Variants in POLR1F observed in about 807,000 individuals in gnomAD.
POLR1F encodes the protein DNA-directed RNA polymerase I subunit RPA43.
Under a neutral mutation model 21.8 loss-of-function variants are expected in POLR1F, and 23 were observed. That is an observed-to-expected ratio of 1.05 (90% CI 0.76 to 1.49). The LOEUF is 1.49. Ranked by LOEUF, POLR1F falls within the 40% of genes most tolerant of loss-of-function variation. The pLI is 0.00. For missense variants in POLR1F, 435 were observed against 412.1 expected, an observed-to-expected ratio of 1.06 and a Z score of -0.48; for synonymous variants, 162 against 152.8, an observed-to-expected ratio of 1.06 and a Z score of -0.45.
chr7:19,701,251 C>A (rs1783442647), intron 2 of POLR1F, among the ~76,000 whole-genome samples: 1 of 152,076 alleles, frequency 6.6e-6, no homozygotes. Flanking sequence ...CATAGCGAAA[C>A]CTTAAATGCA....
intron 2 of POLR1F, among the ~76,000 whole-genome samples, chr7:19,700,569 G>GC (rs1783434982): frequency 6.6e-6 from 1 of 151,938 alleles, no homozygotes; most frequent in South Asian, 2.1e-4. Context: ...AAACTAACCT[G>GC]CCCCCGCCAC....
intron 1 of POLR1F, among the ~76,000 whole-genome samples, chr7:19,707,735 C>A (rs73680664): frequency 0.031 from 4,761 of 152,196 alleles, 232 homozygotes; most frequent in African/African-American, 0.11. Flanking sequence ...TTGTATCTCT[C>A]CTACAGCTTA....
rs1042352911 is a variant in POLR1F at position 19,697,514 on chromosome 7, T to C, written c.*802A>G. 1.3e-5 allele frequency: 2 copies of C among 152,194 alleles called. No individual in the cohort carries two copies. Among genetic ancestry groups the C allele is most frequent in the African/African-American group, 4.8e-5 (2 of 41,458 alleles). The allele number at this position is 152,194 out of a possible 1,614,324, so 9.4% of individuals were successfully genotyped here. On this transcript the variant is annotated 3_prime_UTR_variant, in exon 4 of 4. Transcript: ENST00000222567. ...CTGTTTTCTCTTCAGCACAATATCT[T>C]ATAGCCCATTCCAATCATTAAAAAG...
chr7:19,703,413 A>C (rs1455768702), intron 2 of POLR1F, among the ~76,000 whole-genome samples: 1 of 152,230 alleles, frequency 6.6e-6, no homozygotes, highest in Non-Finnish European at 1.5e-5. Context: ...TGATCTGTGC[A>C]TTTTATTATA....
At position 19,697,910 on chromosome 7, in the gene POLR1F, C is replaced by T. The variant is rs1161472398; in HGVS notation, c.*406G>A. 6.5e-6 allele frequency: 1 copy of T among 154,350 alleles called. No individual in the cohort carries two copies. The highest frequency in any genetic ancestry group is 1.9e-4 in the East Asian group (1 of 5,268). The allele number at this position is 154,350 out of a possible 1,614,324, so 9.6% of individuals were successfully genotyped here. On this transcript the variant is annotated 3_prime_UTR_variant, in exon 4 of 4. Transcript: ENST00000222567. ...TTTTTAAAAAAGCAAAATAAAATAG[C>T]ATGTAATAAGGTGAAGCCTATTAAA...
intron 2 of POLR1F, among the ~76,000 whole-genome samples, chr7:19,704,176 A>G (rs1255777503): frequency 3.3e-5 from 5 of 152,238 alleles, no homozygotes; most frequent in African/African-American, 9.6e-5. Context: ...AAAAGAACAT[A>G]TACACACACA....
intron 1 of POLR1F, among the ~76,000 whole-genome samples, chr7:19,705,793 AGCTGAGATC>A (rs1408151275): frequency 6.6e-6 from 1 of 152,192 alleles, no homozygotes; most frequent in Non-Finnish European, 1.5e-5. Context: ...GGGTGTGGTG[AGCTGAGATC>A]TCAGCACTGC....
chr7:19,698,760 C>T, intron 3 of POLR1F, 33 bp from the exon 4 acceptor site: 1 of 1,477,290 alleles, frequency 6.8e-7, no homozygotes, highest in African/African-American at 1.4e-5. Context: ...ATTAACAGAA[C>T]AATAAGCAAA....
chr7:19,707,668 C>A (rs1554296377), intron 1 of POLR1F, among the ~76,000 whole-genome samples: 1 of 152,214 alleles, frequency 6.6e-6, no homozygotes, highest in African/African-American at 2.4e-5. Context: ...ATTCTACACT[C>A]CTTATCTTAT....
At chr7:19,701,766 G>A (rs1016965563) in intron 2 of POLR1F, among the ~76,000 whole-genome samples, 2 of 152,028 alleles carry the variant, frequency 1.3e-5, no homozygotes, top group African/African-American at 2.4e-5. Context: ...TTTAAACCTC[G>A]GTACCTGAGC....
In POLR1F at chr7:19,698,367, G is replaced by A. The variant is rs1296080763; in HGVS notation, c.966C>T (p.Thr322=). Residue 322 remains threonine (T), a synonymous_variant, in exon 4 of 4, where the codon ACC becomes ACT. Coordinates refer to ENST00000222567, the MANE Select transcript of POLR1F (RefSeq NM_001002926.2). ...KRKHSEEAEF[T]PPLKCSPKRK... is the part of the protein sequence containing the mutation. ...TTTTTGGTGAGCATTTCAAAGGTGG[G>A]GTAAATTCGGCCTCTTCACTGTGTT... 3.2e-6 allele frequency: 5 copies of A among 1,584,516 alleles called. No individual in the cohort carries two copies. The highest frequency in any genetic ancestry group is 4.3e-6 in the Non-Finnish European group (5 of 1,172,648).
Position 19,708,772 on chromosome 7 carries a change from T to G in POLR1F, c.245A>C (p.Tyr82Ser). 1 of 1,611,786 alleles carries G rather than the reference T, an allele frequency of 6.2e-7. No individual in the cohort carries two copies. The highest frequency in any genetic ancestry group is 8.5e-7 in the Non-Finnish European group (1 of 1,178,052). ...GCAAAGAGATCGGTACCTCTCAGAA[T>G]AGCGAAGGAGCTCCGCATCAAGCTG... ...REQLDAELLR[Y>S]SESLLGVPIA... Residue 82 changes from tyrosine to serine, a missense_variant, in exon 1 of 4, where the codon TAT becomes TCT. Coordinates refer to ENST00000222567, the MANE Select transcript of POLR1F (RefSeq NM_001002926.2).
chr7:19,698,778 G>C, intron 3 of POLR1F, 51 bp from the exon 4 acceptor site: 1 of 1,422,388 alleles, frequency 7.0e-7, no homozygotes, highest in African/African-American at 1.4e-5. Context: ...AAAAAACAAA[G>C]AACAAATTGA....
At chr7:19,700,477 G>A in intron 2 of POLR1F, 197 bp from the exon 3 acceptor site, 2 of 556,458 alleles carry the variant, frequency 3.6e-6, no homozygotes, top group Non-Finnish European at 3.2e-6. Context: ...AATACCACTG[G>A]GTTTTGAGAA....
chr7:19,702,912 G>T (rs748096189), intron 2 of POLR1F, among the ~76,000 whole-genome samples: 1 of 152,146 alleles, frequency 6.6e-6, no homozygotes, highest in Non-Finnish European at 1.5e-5. Context: ...GTGTTGAATG[G>T]GAAATCAGTC....
In POLR1F at chr7:19,698,409, C is replaced by A. The variant is rs759216769; in HGVS notation, c.924G>T (p.Lys308Asn). The change falls in exon 4 of 4, where the codon AAG becomes AAT. Residue 308 changes from lysine to asparagine, a missense_variant. Physicochemically the swap from Lys to Asn is moderately conservative, Grantham distance 94. Coordinates refer to ENST00000222567, the MANE Select transcript of POLR1F (RefSeq NM_001002926.2). ...DSSGYQSDHKKKKKKRKHSEE... is the reference protein window; with the variant it reads ...DSSGYQSDHKNKKKKRKHSEE... ...CACTGTGTTTTCTTTTCTTTTTTTT[C>A]TTTTTATGGTCACTTTGGTAACCAC... The A allele has an allele frequency of 6.2e-7, 1 of 1,601,768 alleles. No homozygotes were observed. The highest frequency in any genetic ancestry group is 8.5e-7 in the Non-Finnish European group (1 of 1,175,772).
chr7:19,700,118 C>A lies in POLR1F; in HGVS notation c.559G>T (p.Asp187Tyr). Reference sequence around the variant, plus strand: ...CGAATGCAGAATACTCCAGCAGCATCTGAGTCTAAACGAAATACTTCAAAT... The same window carrying A: ...CGAATGCAGAATACTCCAGCAGCATATGAGTCTAAACGAAATACTTCAAAT... ...LEFEVFRLDS[D>Y]AAGVFCIRGK... The change falls in exon 3 of 4, where the codon GAT becomes TAT. Residue 187 changes from aspartate (D) to tyrosine (Y), a missense_variant. By Grantham distance (160) the Asp-to-Tyr change is radical. Coordinates refer to ENST00000222567, the MANE Select transcript of POLR1F (RefSeq NM_001002926.2). 6.2e-7 allele frequency: 1 copy of A among 1,613,934 alleles called. No homozygotes were observed. Among genetic ancestry groups the A allele is most frequent in the Non-Finnish European group, 8.5e-7 (1 of 1,179,844 alleles).
chr7:19,706,069 G>C (rs1227524534), intron 1 of POLR1F, among the ~76,000 whole-genome samples: 4 of 152,158 alleles, frequency 2.6e-5, no homozygotes, highest in Non-Finnish European at 5.9e-5. Flanking sequence ...TGATAGCAAA[G>C]AATATTTTTT....
intron 2 of POLR1F, among the ~76,000 whole-genome samples, chr7:19,702,635 A>G (rs1259707572): frequency 6.6e-6 from 1 of 152,236 alleles, no homozygotes; most frequent in Admixed American, 6.5e-5. Flanking sequence ...GACAAGTCAC[A>G]GATTGGAAGA....
Sources: gnomAD v4.1 joint callset for allele counts (sites outside exome capture counted in the v4.1 genomes callset) on GRCh38, gnomAD v4.1.1 for gene constraint, MANE v1.5 for transcripts, NCBI Gene and HGNC (gene_info 2026-07-23, HGNC 2026-07-21) for gene names.